Variants in MAEA observed in about 807,000 individuals in gnomAD.
MAEA encodes macrophage erythroblast attacher, E3 ubiquitin ligase, also known as E3 ubiquitin-protein transferase MAEA.
MAEA carries 22 observed loss-of-function variants against 46.2 expected under a neutral mutation model. The ratio of observed to expected loss-of-function variants is 0.48; its 90% CI spans 0.34 to 0.68. The LOEUF is 0.68. MAEA is among the 30% of genes least tolerant of loss of function. The pLI is 0.01. For missense variants in MAEA, 393 were observed against 558.1 expected (o/e 0.70, Z 2.98); for synonymous variants, 246 against 222.6 (o/e 1.11, Z -0.94).
chr4:1,293,840 C>CCT (rs35708350), intron 1 of MAEA, among the ~76,000 whole-genome samples: 53,587 of 152,144 alleles, frequency 0.35, 11,336 homozygotes, highest in Non-Finnish European at 0.48. Flanking sequence ...GGCCCTGATG[C>CCT]CTCACAGCCT....
chr4:1,306,281 G>GT (rs1735822571), intron 1 of MAEA, among the ~76,000 whole-genome samples: 2 of 152,196 alleles, frequency 1.3e-5, no homozygotes, highest in Admixed American at 6.5e-5. Context: ...GATGTTGCAC[G>GT]TCTTCCTGGA....
intron 3 of MAEA, among the ~76,000 whole-genome samples, chr4:1,318,585 G>T (rs1156867873): frequency 2.0e-5 from 3 of 152,160 alleles, no homozygotes; most frequent in Admixed American, 2.0e-4. Context: ...CGGGGGAGGG[G>T]TTCTTTCTGC....
At chr4:1,304,109 G>A (rs73072001) in intron 1 of MAEA, among the ~76,000 whole-genome samples, 3 of 151,950 alleles carry the variant, frequency 2.0e-5, no homozygotes, top group Non-Finnish European at 2.9e-5. Flanking sequence ...CCTGTCAGTC[G>A]TGTGGCTCCA....
intron 2 of MAEA, among the ~76,000 whole-genome samples, 165 bp from the exon 3 acceptor site, chr4:1,315,232 C>T (rs1277982562): frequency 6.6e-6 from 1 of 152,162 alleles, no homozygotes; most frequent in Non-Finnish European, 1.5e-5. Flanking sequence ...GCTCTTGGGC[C>T]AGGCACACCT....
intron 1 of MAEA, among the ~76,000 whole-genome samples, chr4:1,302,590 T>C (rs57415102): frequency 0.15 from 23,570 of 152,094 alleles, 3,533 homozygotes; most frequent in East Asian, 0.42. Flanking sequence ...CGCCATTCTT[T>C]TGCTTCAGCC....
chr4:1,324,995 T>C (rs1284894778), intron 4 of MAEA, among the ~76,000 whole-genome samples: 3 of 152,030 alleles, frequency 2.0e-5, no homozygotes, highest in Non-Finnish European at 2.9e-5. Context: ...CATATTTAGA[T>C]GCTGTCCAGA....
intron 4 of MAEA, chr4:1,323,416 G>A (rs1738397754): frequency 7.2e-6 from 5 of 695,992 alleles, no homozygotes; most frequent in African/African-American, 1.8e-5. Flanking sequence ...TCTAAACTGA[G>A]CGCTGCTTTA....
intron 3 of MAEA, among the ~76,000 whole-genome samples, chr4:1,317,742 C>A (rs1293763037): frequency 6.6e-6 from 1 of 152,212 alleles, no homozygotes; most frequent in Non-Finnish European, 1.5e-5. Flanking sequence ...CACAGCTGTG[C>A]CATGAGTTGA....
chr4:1,315,700 G>A, intron 3 of MAEA, 100 bp downstream of exon 3: 1 of 1,111,316 alleles, frequency 9.0e-7, no homozygotes, highest in Non-Finnish European at 1.3e-6. Flanking sequence ...GTCCCTACAT[G>A]CTTGTGTTCC....
intron 1 of MAEA, among the ~76,000 whole-genome samples, chr4:1,305,960 T>A (rs1462241445): frequency 6.6e-6 from 1 of 152,018 alleles, no homozygotes; most frequent in African/African-American, 2.4e-5. Flanking sequence ...AGAGCCAGGG[T>A]TTTAGTCCAA....
chr4:1,329,188 C>G (rs1739221331), intron 5 of MAEA: 1 of 985,610 alleles, frequency 1.0e-6, no homozygotes, highest in Non-Finnish European at 1.2e-6. Context: ...CGCATAGGGT[C>G]TGTTGACCTG....
In MAEA at chr4:1,315,434, A is replaced by C; in HGVS notation, c.290A>C (p.Lys97Thr). Reference protein sequence around the residue: ...ESIQAEDESAKLCKRRIEHLK... With the variant: ...ESIQAEDESATLCKRRIEHLK... ...ATCCAGGCCGAGGACGAGAGCGCCA[A>C]GCTGTGCAAGCGCCGGATCGAGCAC... is the stretch of plus-strand genomic sequence containing the variant. Residue 97 changes from lysine (K) to threonine (T), a missense_variant, in exon 3 of 9, where the codon AAG (lysine) becomes ACG (threonine). Lys to Thr is a moderately conservative substitution (Grantham distance 78). This residue lies in a region of MAEA where 358 missense variants were observed against 537.9 expected (regional missense o/e 0.67). Transcript: ENST00000303400. The C allele has an allele frequency of 6.2e-7, 1 of 1,613,924 alleles. No homozygotes were observed. Among genetic ancestry groups the C allele is most frequent in the Non-Finnish European group, 8.5e-7 (1 of 1,180,014 alleles).
chr4:1,315,625 C>T (rs1439821431), intron 3 of MAEA, 25 bp downstream of exon 3: 3 of 1,610,190 alleles, frequency 1.9e-6, no homozygotes, highest in East Asian at 2.2e-5. Context: ...GACGCAGGCA[C>T]AGCGCCCCAG....
chr4:1,310,327 T>A (rs1251143594), intron 1 of MAEA, among the ~76,000 whole-genome samples: 1 of 152,126 alleles, frequency 6.6e-6, no homozygotes, highest in Non-Finnish European at 1.5e-5. Context: ...TGACTTCCCA[T>A]CCACTAGATG....
chr4:1,333,483 G>A (rs555778549), intron 6 of MAEA, among the ~76,000 whole-genome samples: 155 of 152,240 alleles, frequency 1.0e-3, no homozygotes, highest in Non-Finnish European at 2.0e-3. Flanking sequence ...ACCGTCTTCC[G>A]TGGTTCTTTC....
intron 4 of MAEA, among the ~76,000 whole-genome samples, chr4:1,325,259 G>T (rs970599576): frequency 5.3e-5 from 8 of 152,338 alleles, no homozygotes; most frequent in African/African-American, 1.9e-4. Context: ...GCATGGGTGG[G>T]TGAGTGGCCC....
chr4:1,303,600 G>C (rs60897436), intron 1 of MAEA, among the ~76,000 whole-genome samples: 1 of 151,806 alleles, frequency 6.6e-6, no homozygotes, highest in African/African-American at 2.4e-5. Context: ...TCCACATCAC[G>C]TGTGATTCCA....
At chr4:1,307,008 C>G (rs2108890729) in intron 1 of MAEA, among the ~76,000 whole-genome samples, 3 of 152,326 alleles carry the variant, frequency 2.0e-5, no homozygotes, top group Middle Eastern at 6.8e-3. Context: ...GTTCCCCACC[C>G]TGTATTGACC....
chr4:1,301,116 A>G (rs556197185), intron 1 of MAEA, among the ~76,000 whole-genome samples: 28 of 152,348 alleles, frequency 1.8e-4, no homozygotes, highest in Admixed American at 1.4e-3. Context: ...AGCCTCATGC[A>G]TTGGGGAAAT....
Sources: gnomAD v4.1 joint callset for allele counts (sites outside exome capture counted in the v4.1 genomes callset) on GRCh38, gnomAD v4.1.1 for gene constraint, gnomAD v4.1.1 regional missense constraint, MANE v1.5 for transcripts, NCBI Gene and HGNC (gene_info 2026-07-23, HGNC 2026-07-21) for gene names.